The following KALRN variants were observed in gnomAD, a reference collection of about 807,000 sequenced individuals.
KALRN encodes kalirin RhoGEF kinase, also known as kalirin.
KALRN carries 70 observed loss-of-function variants against 353.7 expected under a neutral mutation model. The observed-to-expected ratio is 0.20, with a 90% CI of 0.16 to 0.24. KALRN has a LOEUF of 0.24. Ranked by LOEUF, KALRN falls within the 10% of genes least tolerant of loss-of-function variation. The probability of loss-of-function intolerance (pLI) is 1.00; values close to 1 mark genes in which losing one functional copy is unlikely to be tolerated. For synonymous variants in KALRN, 1,391 were observed against 1,434.8 expected (o/e 0.97, Z 0.69); for missense variants, 2,791 against 3,756.7 (o/e 0.74, Z 6.72).
In KALRN at chr3:124,196,965, A is replaced by T. The variant is rs111487282; in HGVS notation, c.74-31025A>T. ...TAAATAATTTAAGTAATTTTCTAAA[A>T]GTCACACAATTCTTGAGTGGTAGAG... On this transcript the variant is annotated intron_variant, in intron 1 of 59. Coordinates refer to ENST00000682506, the MANE Select transcript of KALRN (RefSeq NM_001388419.1). Among the ~76,000 whole-genome samples the T allele has an allele frequency of 2.9e-3, 436 of 152,324 alleles. 2 individuals are homozygous for T. Among genetic ancestry groups the T allele is most frequent in the African/African-American group, 9.9e-3 (410 of 41,568 alleles).
intron 1 of KALRN, among the ~76,000 whole-genome samples, chr3:124,048,070 A>G (rs1010576322): frequency 2.0e-5 from 3 of 152,154 alleles, no homozygotes; most frequent in Admixed American, 1.3e-4. Flanking sequence ...TTCCAAAATG[A>G]GGTCATTTTT....
At chr3:124,624,654 T>G (rs1280548114) in intron 34 of KALRN, among the ~76,000 whole-genome samples, 1 of 151,710 alleles carries the variant, frequency 6.6e-6, no homozygotes, top group Non-Finnish European at 1.5e-5. Context: ...CCTCATAGAG[T>G]CCTTCAGAGG....
intron 44 of KALRN, 148 bp downstream of exon 44, chr3:124,661,121 G>A (rs772612158): frequency 1.5e-6 from 1 of 659,108 alleles, no homozygotes; most frequent in Non-Finnish European, 2.7e-6. Flanking sequence ...CTTTGTACCT[G>A]CTTGAGGAAT....
intron 1 of KALRN, among the ~76,000 whole-genome samples, chr3:124,057,668 T>A (rs1052938871): frequency 6.6e-6 from 1 of 152,126 alleles, no homozygotes; most frequent in South Asian, 2.1e-4. Context: ...TGGAGCCCAG[T>A]GAGAGGACCT....
chr3:124,712,857 A>G, intron 57 of KALRN, 78 bp from the exon 58 acceptor site: 1 of 1,023,392 alleles, frequency 9.8e-7, no homozygotes, highest in Non-Finnish European at 1.5e-6. Flanking sequence ...CACTTCCCAC[A>G]AAACTTTACT....
chr3:124,472,892 G>A (rs1473323333), intron 25 of KALRN, among the ~76,000 whole-genome samples: 1 of 152,150 alleles, frequency 6.6e-6, no homozygotes, highest in Middle Eastern at 3.4e-3. Context: ...TTTGATTCAG[G>A]TCAGAATACT....
At chr3:124,408,181 T>C (rs1380207441) in intron 13 of KALRN, among the ~76,000 whole-genome samples, 1 of 44,410 alleles carries the variant, frequency 2.3e-5, no homozygotes, top group Non-Finnish European at 4.3e-5. Context: ...CAAAATTTCT[T>C]GGTCTGCTAA....
At chr3:124,643,664 A>G (rs1047179907) in intron 37 of KALRN, among the ~76,000 whole-genome samples, 7 of 151,744 alleles carry the variant, frequency 4.6e-5, no homozygotes, top group Non-Finnish European at 8.8e-5. Context: ...AAATTTTTCT[A>G]TTTTTAGCAG....
chr3:124,272,125 C>T (rs755159360), intron 5 of KALRN, among the ~76,000 whole-genome samples: 1 of 152,122 alleles, frequency 6.6e-6, no homozygotes, highest in African/African-American at 2.4e-5. Context: ...AGTAATAAAC[C>T]TGCATATGTA....
At chr3:124,420,410 C>T (rs1036323978) in intron 14 of KALRN, among the ~76,000 whole-genome samples, 13 of 152,196 alleles carry the variant, frequency 8.5e-5, no homozygotes, top group African/African-American at 1.7e-4. Context: ...TGAGAAAGAG[C>T]GTCTGCTTCT....
At chr3:124,309,118 A>ATTG (rs751362640) in intron 6 of KALRN, among the ~76,000 whole-genome samples, 78 of 152,318 alleles carry the variant, frequency 5.1e-4, no homozygotes, top group Non-Finnish European at 1.0e-3. Context: ...ATCTGAATAG[A>ATTG]CCAATAGCAA....
chr3:124,208,403 G>A (rs754175064), intron 1 of KALRN, among the ~76,000 whole-genome samples: 1 of 152,124 alleles, frequency 6.6e-6, no homozygotes, highest in Non-Finnish European at 1.5e-5. Flanking sequence ...GAAAGGAAAG[G>A]GACTTCTTCA....
intron 14 of KALRN, among the ~76,000 whole-genome samples, chr3:124,416,347 G>A (rs976319417): frequency 6.6e-6 from 1 of 152,244 alleles, no homozygotes; most frequent in African/African-American, 2.4e-5. Context: ...GGTGGGCTGT[G>A]CTTGGTGTCC....
intron 10 of KALRN, among the ~76,000 whole-genome samples, chr3:124,366,376 A>G (rs1396413115): frequency 2.7e-5 from 4 of 147,740 alleles, no homozygotes; most frequent in Non-Finnish European, 6.0e-5. Flanking sequence ...TGTGTCCCTG[A>G]TTACTTGAGA....
intron 22 of KALRN, 21 bp downstream of exon 22, chr3:124,455,380 C>T: frequency 3.7e-6 from 6 of 1,604,940 alleles, no homozygotes; most frequent in Non-Finnish European, 5.1e-6. Flanking sequence ...GTATTGTCCT[C>T]TGGGACATCC....
intron 39 of KALRN, among the ~76,000 whole-genome samples, chr3:124,656,542 C>T (rs141889988): frequency 0.046 from 7,060 of 152,128 alleles, 286 homozygotes; most frequent in East Asian, 0.21. Flanking sequence ...ACCTGGGAGG[C>T]GGAGCTTGCA....
At chr3:124,698,598 A>C (rs1478786426) in intron 55 of KALRN, among the ~76,000 whole-genome samples, 2 of 152,236 alleles carry the variant, frequency 1.3e-5, no homozygotes, top group East Asian at 3.8e-4. Context: ...TGAGGCCTAA[A>C]GAAAGTTAAG....
At chr3:124,623,902 A>T (rs548128315) in intron 34 of KALRN, among the ~76,000 whole-genome samples, 1 of 152,292 alleles carries the variant, frequency 6.6e-6, no homozygotes, top group East Asian at 1.9e-4. Flanking sequence ...CTTTATTCTG[A>T]TTTTTGTCTT....
At chr3:124,532,421 G>A (rs2068118660) in intron 33 of KALRN, among the ~76,000 whole-genome samples, 1 of 152,202 alleles carries the variant, frequency 6.6e-6, no homozygotes, top group Non-Finnish European at 1.5e-5. Flanking sequence ...CACTGGGTTG[G>A]AATCAGGAAA....
Sources: gnomAD v4.1 joint callset for allele counts (sites outside exome capture counted in the v4.1 genomes callset) on GRCh38, gnomAD v4.1.1 for gene constraint, MANE v1.5 for transcripts, NCBI Gene and HGNC (gene_info 2026-07-23, HGNC 2026-07-21) for gene names.